The following CDH13 variants were observed in gnomAD, a reference collection of about 807,000 sequenced individuals.
CDH13 encodes the protein cadherin-13.
CDH13 carries 24 observed loss-of-function variants against 63.8 expected under a neutral mutation model. The observed-to-expected ratio is 0.38, with a 90% CI of 0.27 to 0.53. The LOEUF is 0.53. Ranked by LOEUF, CDH13 falls within the 20% of genes least tolerant of loss-of-function variation. CDH13 has a pLI of 0.85. For missense variants in CDH13, 1,049 were observed against 903.1 expected (o/e 1.16, Z -2.07); for synonymous variants, 503 against 355.3 (o/e 1.42, Z -4.67).
At chr16:83,091,041 G>C (rs544884650) in intron 3 of CDH13, among the ~76,000 whole-genome samples, 1 of 151,802 alleles carries the variant, frequency 6.6e-6, no homozygotes, top group African/African-American at 2.4e-5. Flanking sequence ...TTTCTATGTT[G>C]CTACATGATC....
At chr16:83,557,323 A>G (rs775854107) in intron 7 of CDH13, among the ~76,000 whole-genome samples, 15 of 152,160 alleles carry the variant, frequency 9.9e-5, no homozygotes, top group Non-Finnish European at 1.6e-4. Flanking sequence ...ATACATTAGA[A>G]TGTAATAATA....
At position 83,245,501 on chromosome 16, in the gene CDH13, G is replaced by C. The variant is rs1904899711; in HGVS notation, c.636+28004G>C. Among the ~76,000 whole-genome samples, 3 of 152,226 alleles carry C rather than the reference G, an allele frequency of 2.0e-5. No individual in the cohort carries two copies. In the South Asian group the frequency reaches 6.2e-4, roughly 32 times the overall value. ...AAGCCGCACTGGCCTCCTTTGGAAAGTAAAACCCGAGAACTCCATCTAGGC... is the reference window on the plus strand; with the variant it reads ...AAGCCGCACTGGCCTCCTTTGGAAACTAAAACCCGAGAACTCCATCTAGGC... On this transcript the variant is annotated intron_variant, in intron 5 of 13. Transcript: ENST00000567109.
chr16:83,751,499 C>T (rs962704875), intron 11 of CDH13, among the ~76,000 whole-genome samples: 2 of 152,002 alleles, frequency 1.3e-5, no homozygotes, highest in African/African-American at 4.8e-5. Flanking sequence ...AGAAAATGGA[C>T]GCGGTGATGG....
chr16:83,206,828 C>T (rs116744978), intron 4 of CDH13, among the ~76,000 whole-genome samples: 56 of 152,298 alleles, frequency 3.7e-4, no homozygotes, highest in African/African-American at 1.3e-3. Flanking sequence ...GGACACTGAC[C>T]AGAGTATTTT....
intron 3 of CDH13, among the ~76,000 whole-genome samples, chr16:83,065,782 T>C (rs2031962756): frequency 6.6e-6 from 1 of 151,960 alleles, no homozygotes; most frequent in Non-Finnish European, 1.5e-5. Flanking sequence ...GATGTGTTGC[T>C]GTTTCCTGCA....
intron 1 of CDH13, among the ~76,000 whole-genome samples, chr16:82,712,533 C>G (rs2032027265): frequency 6.6e-6 from 1 of 152,222 alleles, no homozygotes; most frequent in Non-Finnish European, 1.5e-5. Context: ...TGGTGGCTTT[C>G]AAACTCACTA....
intron 1 of CDH13, among the ~76,000 whole-genome samples, chr16:82,629,119 C>T (rs1376001758): frequency 6.6e-6 from 1 of 152,218 alleles, no homozygotes; most frequent in Non-Finnish European, 1.5e-5. Flanking sequence ...TAAAGCAAGA[C>T]AGACCACGTG....
At chr16:82,671,303 G>T (rs1052587359) in intron 1 of CDH13, among the ~76,000 whole-genome samples, 21 of 152,216 alleles carry the variant, frequency 1.4e-4, no homozygotes, top group African/African-American at 5.1e-4. Flanking sequence ...TGTTTGGGAT[G>T]TAAGACACTG....
intron 4 of CDH13, among the ~76,000 whole-genome samples, chr16:83,154,306 C>T (rs1300674408): frequency 6.6e-6 from 1 of 152,042 alleles, no homozygotes; most frequent in Non-Finnish European, 1.5e-5. Flanking sequence ...TCTGTAATCC[C>T]AGCACTTTGG....
chr16:82,993,690 A>G (rs541281226), intron 2 of CDH13, among the ~76,000 whole-genome samples: 2 of 152,318 alleles, frequency 1.3e-5, no homozygotes, highest in East Asian at 3.9e-4. Context: ...TTAGCTGAAC[A>G]CGTGTTACAC....
At chr16:83,394,604 C>G (rs1467453458) in intron 6 of CDH13, among the ~76,000 whole-genome samples, 1 of 152,158 alleles carries the variant, frequency 6.6e-6, no homozygotes, top group African/African-American at 2.4e-5. Context: ...TGGTGAGCCG[C>G]CAAGGTTTTG....
At chr16:82,915,416 A>G (rs1352487947) in intron 2 of CDH13, among the ~76,000 whole-genome samples, 2 of 152,182 alleles carry the variant, frequency 1.3e-5, no homozygotes, top group African/African-American at 4.8e-5. Flanking sequence ...TGTAAACTGT[A>G]ACGAAGGTAT....
At chr16:83,756,647 C>T (rs1243995562) in intron 11 of CDH13, among the ~76,000 whole-genome samples, 2 of 152,094 alleles carry the variant, frequency 1.3e-5, no homozygotes, top group Non-Finnish European at 2.9e-5. Context: ...CCCAGGGAAG[C>T]CAAAAGATTG....
At chr16:83,213,328 T>G (rs1273174861) in intron 4 of CDH13, among the ~76,000 whole-genome samples, 1 of 152,142 alleles carries the variant, frequency 6.6e-6, no homozygotes, top group Non-Finnish European at 1.5e-5. Flanking sequence ...GGATAATTTC[T>G]GGGTCTAGAA....
chr16:82,996,813 G>A lies in CDH13; in HGVS notation c.158-35197G>A, dbSNP rs368823775. 6.3e-3 allele frequency among the ~76,000 whole-genome samples: 956 copies of A among 150,740 alleles called. 2 individuals carry two copies. The highest frequency in any genetic ancestry group is 0.014 in the Middle Eastern group (4 of 276). ...GGGGGTAATGGTGATGGTGATGGTG[G>A]TGATGATGATAGTGATGGTGATGGT... On this transcript the variant is annotated intron_variant, in intron 2 of 13. Coordinates refer to ENST00000567109, the MANE Select transcript of CDH13 (RefSeq NM_001257.5).
chr16:83,584,551 G>A (rs112201405), intron 7 of CDH13, among the ~76,000 whole-genome samples: 1,686 of 152,204 alleles, frequency 0.011, 40 homozygotes, highest in African/African-American at 0.037. Context: ...ACTTGGCTGC[G>A]TCTGAATGTA....
chr16:83,540,980 T>G (rs1043150491), intron 7 of CDH13, among the ~76,000 whole-genome samples: 2 of 152,170 alleles, frequency 1.3e-5, no homozygotes, highest in African/African-American at 4.8e-5. Flanking sequence ...GTTTGGTAAA[T>G]GTGACTACAG....
intron 6 of CDH13, among the ~76,000 whole-genome samples, chr16:83,382,562 T>G (rs973092760): frequency 1.3e-5 from 2 of 152,178 alleles, no homozygotes; most frequent in Admixed American, 1.3e-4. Context: ...CCCTCCTGCA[T>G]AACCACCATG....
chr16:83,375,740 C>A (rs1054018476), intron 6 of CDH13, among the ~76,000 whole-genome samples: 1 of 152,042 alleles, frequency 6.6e-6, no homozygotes, highest in Non-Finnish European at 1.5e-5. Flanking sequence ...TTGAGGGAAC[C>A]CCTTCTGGAT....
Sources: allele counts gnomAD v4.1 joint callset (sites outside exome capture counted in the v4.1 genomes callset), GRCh38; gene constraint gnomAD v4.1.1; transcripts MANE v1.5; gene names NCBI Gene and HGNC (gene_info 2026-07-23, HGNC 2026-07-21).